Variants in JMY observed in about 807,000 individuals in gnomAD.
The protein encoded by JMY is junction-mediating and -regulatory protein.
Under a neutral mutation model 103.3 loss-of-function variants are expected in JMY, and 46 were observed. The observed-to-expected ratio is 0.45, with a 90% confidence interval of 0.35 to 0.57. JMY has a LOEUF of 0.57. JMY is among the 20% of genes least tolerant of loss of function. The pLI is 0.00. For synonymous variants in JMY, 526 were observed against 489.3 expected, an observed-to-expected ratio of 1.07 and a Z score of -0.99; for missense variants, 1,238 against 1,255.2, an observed-to-expected ratio of 0.99 and a Z score of 0.21.
Position 79,312,222 on chromosome 5 carries a change from A to G in JMY, c.1969-181A>G, listed in dbSNP as rs571873733. On this transcript the variant is annotated intron_variant, in intron 7 of 10. Coordinates refer to ENST00000396137, the MANE Select transcript of JMY (RefSeq NM_152405.5). ...GTGTATTAAAAATATTTCATGTTTC[A>G]TGCTTTCATATTTCATGTTTCATGA... Among the ~76,000 whole-genome samples the G allele has an allele frequency of 2.6e-5, 4 of 152,266 alleles. No individual in the cohort carries two copies. In the East Asian group the frequency reaches 5.8e-4, roughly 22 times the overall value.
chr5:79,314,636 C>CCCCA lies in JMY; in HGVS notation c.2444_2445insCCCA (p.Pro817ThrfsTer15). On this transcript the variant is annotated frameshift_variant, in exon 9 of 11. Transcript: ENST00000396137. LOFTEE classifies it high-confidence loss of function. ...CTTCCTCCAACACCACCACCTCCCC[C>CCCCA]ACCTCCTCCCCCTCCCCCACCACCA... The CCCCA allele has an allele frequency of 2.7e-6, 4 of 1,502,578 alleles. No individual in the cohort carries two copies. The highest frequency in any genetic ancestry group is 1.4e-5 in the African/African-American group (1 of 70,368). The allele number at this position is 1,502,578 out of a possible 1,614,324, so 93.1% of individuals were successfully genotyped here.
intron 1 of JMY, among the ~76,000 whole-genome samples, chr5:79,268,193 C>A (rs920464586): frequency 6.6e-6 from 1 of 152,084 alleles, no homozygotes; most frequent in Non-Finnish European, 1.5e-5. Context: ...CAGGGAGTTA[C>A]GAATGTGCCA....
chr5:79,308,286 T>C (rs1746947019), intron 7 of JMY, among the ~76,000 whole-genome samples: 1 of 152,200 alleles, frequency 6.6e-6, no homozygotes, highest in Non-Finnish European at 1.5e-5. Context: ...TAAAAAGTCA[T>C]TGCCAGTCCC....
At chr5:79,284,710 C>T (rs532545580) in intron 2 of JMY, 285 of 1,592,168 alleles carry the variant, frequency 1.8e-4, no homozygotes, top group Admixed American at 1.2e-3. Context: ...ATCAGCAAGA[C>T]TCACTTCAAA....
chr5:79,264,930 T>G (rs2112069870), intron 1 of JMY, among the ~76,000 whole-genome samples: 1 of 152,222 alleles, frequency 6.6e-6, no homozygotes, highest in African/African-American at 2.4e-5. Context: ...TTTATGTAAT[T>G]TTTTGAGGCA....
At chr5:79,306,153 CAGG>C (rs1746874239) in intron 6 of JMY, among the ~76,000 whole-genome samples, 1 of 152,140 alleles carries the variant, frequency 6.6e-6, no homozygotes, top group Non-Finnish European at 1.5e-5. Flanking sequence ...AAAGAGAAAC[CAGG>C]AGGTCTATAG....
intron 1 of JMY, among the ~76,000 whole-genome samples, chr5:79,265,235 T>G (rs1046612148): frequency 6.6e-6 from 1 of 152,198 alleles, no homozygotes; most frequent in African/African-American, 2.4e-5. Flanking sequence ...AAAAACTGTT[T>G]TAGATTCAAG....
rs566542929 is a variant in JMY, at chr5:79,242,404, A to G, written c.1032+4722A>G. 1.6e-4 allele frequency among the ~76,000 whole-genome samples: 25 copies of G among 152,296 alleles called. No homozygotes were observed. The South Asian group carries it at 4.8e-3, about 29-fold the overall frequency. On this transcript the variant is annotated intron_variant, in intron 1 of 10. Coordinates refer to ENST00000396137, the MANE Select transcript of JMY (RefSeq NM_152405.5). ...GCACTTACTAAAGAGGCTTCCAGGA[A>G]GTGTTATTTTCCCTTTTTTCATGTA... is the stretch of plus-strand genomic sequence containing the variant.
intron 6 of JMY, among the ~76,000 whole-genome samples, chr5:79,303,986 T>C (rs1177736823): frequency 2.6e-5 from 4 of 152,180 alleles, no homozygotes; most frequent in Non-Finnish European, 5.9e-5. Context: ...CTGTGTACTC[T>C]TCTAGCAGTA....
At chr5:79,267,835 C>CTA (rs1251763854) in intron 1 of JMY, among the ~76,000 whole-genome samples, 1 of 152,236 alleles carries the variant, frequency 6.6e-6, no homozygotes, top group East Asian at 1.9e-4. Context: ...AATTAAGCTT[C>CTA]TATAAACTTT....
At chr5:79,302,910 G>A (rs1746779689) in intron 6 of JMY, among the ~76,000 whole-genome samples, 1 of 152,306 alleles carries the variant, frequency 6.6e-6, no homozygotes, top group South Asian at 2.1e-4. Context: ...ATCTTGAACT[G>A]TCTAGATCTG....
At chr5:79,257,804 C>T (rs1745293221) in intron 1 of JMY, among the ~76,000 whole-genome samples, 1 of 152,006 alleles carries the variant, frequency 6.6e-6, no homozygotes, top group South Asian at 2.1e-4. Context: ...CTCTTGTTGC[C>T]CAGGCTGGAG....
chr5:79,269,151 A>G (rs1486107297), intron 1 of JMY, among the ~76,000 whole-genome samples: 3 of 151,412 alleles, frequency 2.0e-5, no homozygotes, highest in Non-Finnish European at 4.4e-5. Context: ...TCCATGATCA[A>G]TTTTGAGTTA....
At position 79,302,432 on chromosome 5, in the gene JMY, T is replaced by C. The variant is rs1746763480; in HGVS notation, c.1881+1569T>C. Among the ~76,000 whole-genome samples, 3 of 152,064 alleles carry C rather than the reference T, an allele frequency of 2.0e-5. No homozygotes were observed. The South Asian group carries it at 6.2e-4, about 32-fold the overall frequency. On this transcript the variant is annotated intron_variant, in intron 6 of 10. Coordinates refer to ENST00000396137, the MANE Select transcript of JMY (RefSeq NM_152405.5). Reference sequence around the variant, plus strand: ...AAGGCAAACCAGGTGAACAGATGAGTGTTCTGCCGGCCAAAAACAGCAAGA... The same window carrying C: ...AAGGCAAACCAGGTGAACAGATGAGCGTTCTGCCGGCCAAAAACAGCAAGA...
At chr5:79,265,217 C>T (rs775084736) in intron 1 of JMY, among the ~76,000 whole-genome samples, 1 of 152,144 alleles carries the variant, frequency 6.6e-6, no homozygotes, top group Non-Finnish European at 1.5e-5. Flanking sequence ...AGCTACTGCA[C>T]CCGGCCAAAA....
In JMY at chr5:79,314,489, T is replaced by C. The variant is rs754311794; in HGVS notation, c.2297T>C (p.Leu766Pro). 13 of 1,613,944 alleles carry C rather than the reference T, an allele frequency of 8.1e-6. No homozygotes were observed. The African/African-American group carries it at 1.6e-4, about 20-fold the overall frequency. Residue 766 changes from leucine to proline, a missense_variant, in exon 9 of 11, where the codon CTT (leucine) becomes CCT (proline). Leu to Pro is a moderately conservative substitution (Grantham distance 98). Coordinates refer to ENST00000396137, the MANE Select transcript of JMY (RefSeq NM_152405.5). ...VQLEDTSLTQLEATSLPLSGV... is the reference protein window; with the variant it reads ...VQLEDTSLTQPEATSLPLSGV... ...CTTGAAGATACTTCATTAACACAACTTGAAGCCACCTCATTACCTCTCAGT... is the reference window on the plus strand; with the variant it reads ...CTTGAAGATACTTCATTAACACAACCTGAAGCCACCTCATTACCTCTCAGT...
intron 2 of JMY, among the ~76,000 whole-genome samples, chr5:79,289,696 T>TTA (rs1469914308): frequency 2.6e-5 from 4 of 152,196 alleles, no homozygotes; most frequent in South Asian, 2.1e-4. Flanking sequence ...AGGCTGGTTT[T>TTA]TATATTGTCA....
chr5:79,279,690 T>C (rs893753451), intron 2 of JMY, among the ~76,000 whole-genome samples: 3 of 151,890 alleles, frequency 2.0e-5, no homozygotes, highest in Admixed American at 1.3e-4. Flanking sequence ...GACATACTCC[T>C]TTATCAATAC....
chr5:79,300,209 T>A lies in JMY; in HGVS notation c.1584T>A (p.Ala528=), dbSNP rs546428819. ...TAGCACGATTGGATCAGTTAGAAGC[T>A]GATTATTATGATCTGCAACTTCAGT... ...EAIARLDQLE[A]DYYDLQLQLY... is the part of the protein sequence containing the mutation. Residue 528 remains alanine (A), a synonymous_variant, in exon 5 of 11, where the codon GCT becomes GCA. Transcript: ENST00000396137. 1 of 1,611,720 alleles carries A rather than the reference T, an allele frequency of 6.2e-7. No individual in the cohort carries two copies. The highest frequency in any genetic ancestry group is 1.1e-5 in the South Asian group (1 of 90,726).
Sources: allele counts gnomAD v4.1 joint callset (sites outside exome capture counted in the v4.1 genomes callset), GRCh38; gene constraint gnomAD v4.1.1; transcripts MANE v1.5; gene names NCBI Gene and HGNC (gene_info 2026-07-23, HGNC 2026-07-21).